UNC13A: variants seen among roughly 807,000 people sequenced by gnomAD.
UNC13A encodes protein unc-13 homolog A.
UNC13A carries 61 observed loss-of-function variants against 219.7 expected under a neutral mutation model. The ratio of observed to expected loss-of-function variants is 0.28; its 90% CI spans 0.23 to 0.34. The LOEUF (loss-of-function observed/expected upper bound fraction) is 0.34. Among genes scored for constraint, UNC13A ranks in the 10% least tolerant of loss-of-function variants. The pLI, the probability that UNC13A is intolerant of heterozygous loss-of-function variation, is 1.00. For missense variants in UNC13A, 1,476 were observed against 2,270.3 expected (o/e 0.65, Z 7.11); for synonymous variants, 920 against 884.6 (o/e 1.04, Z -0.71).
At chr19:17,680,319 G>A (rs1274537668) in intron 1 of UNC13A, among the ~76,000 whole-genome samples, 6 of 152,212 alleles carry the variant, frequency 3.9e-5, no homozygotes, top group African/African-American at 9.6e-5. Flanking sequence ...ATCAGGGTCA[G>A]CGGGGCGGAA....
Position 17,605,807 on chromosome 19 carries a change from C to T in UNC13A, c.*247G>A, listed in dbSNP as rs2076518139. 9.1e-6 allele frequency: 4 copies of T among 440,584 alleles called. No homozygotes were observed. In the East Asian group the frequency reaches 1.6e-4, roughly 17 times the overall value. The allele number at this position is 440,584 out of a possible 1,614,324, so 27.3% of individuals were successfully genotyped here. On this transcript the variant is annotated 3_prime_UTR_variant, in exon 44 of 44. Coordinates refer to ENST00000519716, the MANE Select transcript of UNC13A (RefSeq NM_001080421.3). ...TGCCCCCTAGGTGCTGGGGGCGTGG[C>T]CTCAAGTTGGGGATGTGGCTCCTTC...
At chr19:17,673,724 C>G (rs1357495800) in intron 3 of UNC13A, among the ~76,000 whole-genome samples, 2 of 147,334 alleles carry the variant, frequency 1.4e-5, no homozygotes, top group Non-Finnish European at 3.0e-5. Context: ...GAAAAAAATT[C>G]CATTGGCCAG....
Position 17,674,868 on chromosome 19 carries a change from C to T in UNC13A, c.53-112G>A. ...CCTCAGGAATTTCTGGGCCACTCAC[C>T]CCCTAACCCACAACCCCACCCTCAG... On this transcript the variant is annotated intron_variant, in intron 2 of 43. Coordinates refer to ENST00000519716, the MANE Select transcript of UNC13A (RefSeq NM_001080421.3). The surrounding 1 kb of genome is among the most constrained non-coding windows in gnomAD (Gnocchi z 5.0). The T allele has an allele frequency of 1.1e-6, 1 of 880,344 alleles. No individual in the cohort carries two copies. The highest frequency in any genetic ancestry group is 2.1e-5 in the Admixed American group (1 of 48,238). 54.5% of individuals were successfully genotyped at this position (880,344 alleles called of 1,614,324 possible).
rs755583610 is a variant in UNC13A, at chr19:17,656,287, C to G, written c.879G>C (p.Glu293Asp). ...DEHSLQGSDM[E>D]DERDRDSYHS... The stretch of plus-strand genomic sequence containing the variant: ...GGTAGGAGTCCCGGTCCCGCTCATC[C>G]TCCATGTCGGAGCCCTGCAGGCTGT... Residue 293 changes from glutamate (E) to aspartate (D), a missense_variant, in exon 10 of 44, where the codon GAG (glutamate) becomes GAC (aspartate). Glu to Asp is a conservative substitution (Grantham distance 45). This residue lies in a region of UNC13A where 351 missense variants were observed against 342.6 expected (regional missense o/e 1.02). Transcript: ENST00000519716. 4 of 1,552,794 alleles carry G rather than the reference C, an allele frequency of 2.6e-6. No homozygotes were observed. The South Asian group carries it at 4.8e-5, about 18-fold the overall frequency.
chr19:17,610,157 T>C lies in UNC13A; in HGVS notation c.4652-58A>G, dbSNP rs2076586842. On this transcript the variant is annotated intron_variant, in intron 42 of 43. Transcript: ENST00000519716. ...GGTTCTCCCAGTTGGAAAAAGTAGA[T>C]GTTTGTGGCTCTCAAAACCTGCCCA... 3.7e-6 allele frequency: 6 copies of C among 1,606,958 alleles called. No individual in the cohort carries two copies. The East Asian group carries it at 6.7e-5, about 18-fold the overall frequency.
chr19:17,670,994 C>T (rs1318121235), intron 4 of UNC13A, among the ~76,000 whole-genome samples: 2 of 151,202 alleles, frequency 1.3e-5, no homozygotes, highest in African/African-American at 4.9e-5. Context: ...AAACAGTCCC[C>T]AGTCCCTCCT....
chr19:17,603,467 C>T lies in UNC13A; in HGVS notation c.*2587G>A, dbSNP rs1176633823. 1 of 152,306 alleles carries T rather than the reference C, an allele frequency of 6.6e-6. No individual in the cohort carries two copies. The highest frequency in any genetic ancestry group is 1.9e-4 in the East Asian group (1 of 5,198). 9.4% of individuals were successfully genotyped at this position (152,306 alleles called of 1,614,324 possible). On this transcript the variant is annotated 3_prime_UTR_variant, in exon 44 of 44. Coordinates refer to ENST00000519716, the MANE Select transcript of UNC13A (RefSeq NM_001080421.3). ...CATGGTTCGAAATTCACATCTGCTC[C>T]TCAGTCCATATAACAGTCACATAAG...
At chr19:17,618,249 C>G (rs984974988) in intron 40 of UNC13A, among the ~76,000 whole-genome samples, 172 bp downstream of exon 40, 1 of 152,264 alleles carries the variant, frequency 6.6e-6, no homozygotes, top group Non-Finnish European at 1.5e-5. Context: ...CGACCTGGGG[C>G]TCCTTAAGGC....
intron 21 of UNC13A, 59 bp downstream of exon 21, chr19:17,641,334 T>A: frequency 1.3e-6 from 2 of 1,568,118 alleles, no homozygotes; most frequent in Non-Finnish European, 1.7e-6. Context: ...ACCCCAGACC[T>A]GCCAGTGCCC....
intron 38 of UNC13A, among the ~76,000 whole-genome samples, chr19:17,619,682 C>T (rs2076707584): frequency 6.6e-6 from 1 of 152,136 alleles, no homozygotes. Context: ...ATCCTCCTAC[C>T]TCAGCCTCCC....
chr19:17,623,571 G>C, intron 35 of UNC13A, 24 bp from the exon 36 acceptor site: 1 of 1,319,266 alleles, frequency 7.6e-7, no homozygotes, highest in Non-Finnish European at 1.0e-6. Context: ...TGGGGGCGGG[G>C]CGGTGGGGGA....
Position 17,627,583 on chromosome 19 carries a change from G to A in UNC13A, c.3846C>T (p.Ala1282=). The A allele has an allele frequency of 1.9e-6, 3 of 1,560,276 alleles. No individual in the cohort carries two copies. The highest frequency in any genetic ancestry group is 1.7e-6 in the Non-Finnish European group (2 of 1,151,154). Residue 1282 remains alanine (A), a synonymous_variant, in exon 33 of 44, where the codon GCC becomes GCT. Coordinates refer to ENST00000519716, the MANE Select transcript of UNC13A (RefSeq NM_001080421.3). This position sits in a 1 kb window ranked among gnomAD's most constrained non-coding sequence, Gnocchi z 4.7. ...AMGGKELDAE[A]SDILKELQVK... ...CCTGAAGCTCCTTCAGGATGTCACT[G>A]GCTTCAGCATCCAGCTAAGGAGGGA...
At chr19:17,665,203 G>GAAAA (rs11438652) in intron 7 of UNC13A, among the ~76,000 whole-genome samples, 2 of 146,206 alleles carry the variant, frequency 1.4e-5, no homozygotes, top group Non-Finnish European at 3.0e-5. Context: ...CTATCTCCAA[G>GAAAA]AAAAAAAAAA....
chr19:17,616,901 AG>A (rs371661427), intron 41 of UNC13A, among the ~76,000 whole-genome samples: 2 of 152,096 alleles, frequency 1.3e-5, no homozygotes, highest in African/African-American at 2.4e-5. Flanking sequence ...AATTTTGAAA[AG>A]GGGGGGTCCC....
Position 17,636,153 on chromosome 19 carries a change from T to C in UNC13A, c.3086A>G (p.Lys1029Arg). Residue 1029 changes from lysine (K) to arginine (R), a missense_variant, in exon 26 of 44, where the codon AAG becomes AGG. Lys to Arg is a conservative substitution (Grantham distance 26). Around this residue, in one of 14 missense-constraint regions of UNC13A, gnomAD observed 24 missense variants for 16.0 expected, o/e 1.50. Transcript: ENST00000519716. ...TTCCTCTGGGAGAACTTCCCCCTTC[T>C]TGGCCTGAAATGGACAGTGGAGACC... Reference protein sequence around the residue: ...YSREYQTDPAKKGEVLPEEQG... With the variant: ...YSREYQTDPARKGEVLPEEQG... 6.3e-7 allele frequency: 1 copy of C among 1,596,236 alleles called. No individual in the cohort carries two copies. Among genetic ancestry groups the C allele is most frequent in the South Asian group, 1.1e-5 (1 of 88,228 alleles).
In UNC13A at chr19:17,633,561, C is replaced by A. The variant is rs182197336; in HGVS notation, c.3216-368G>T. On this transcript the variant is annotated intron_variant, in intron 26 of 43. Transcript: ENST00000519716. ...ATCTATTCATCCATCCACCCATTAT[C>A]CACCCATCCAACCATCCCTTCATCA... Among the ~76,000 whole-genome samples, 412 of 151,728 alleles carry A rather than the reference C, an allele frequency of 2.7e-3. 1 individual carries two copies. Among genetic ancestry groups the A allele is most frequent in the Non-Finnish European group, 4.3e-3 (295 of 67,904 alleles).
intron 43 of UNC13A, among the ~76,000 whole-genome samples, chr19:17,608,257 AAATATAT>A (rs1249695018): frequency 7.1e-6 from 1 of 141,618 alleles, no homozygotes; most frequent in Non-Finnish European, 1.5e-5. Context: ...ATAATATATG[AAATATAT>A]AATATATATA....
chr19:17,682,278 G>A (rs1401463591), intron 1 of UNC13A, among the ~76,000 whole-genome samples: 1 of 152,070 alleles, frequency 6.6e-6, no homozygotes, highest in East Asian at 1.9e-4. Context: ...CATGTCTTTT[G>A]CTCACGATTA....
intron 39 of UNC13A, among the ~76,000 whole-genome samples, 196 bp from the exon 40 acceptor site, chr19:17,618,697 G>T (rs1599834357): frequency 6.6e-6 from 1 of 152,200 alleles, no homozygotes; most frequent in African/African-American, 2.4e-5. Flanking sequence ...TTGCCCTCTT[G>T]ATCAAGCTGT....
Sources: gnomAD v4.1 joint callset for allele counts (sites outside exome capture counted in the v4.1 genomes callset) on GRCh38, gnomAD v4.1.1 for gene constraint, gnomAD v4.1.1 regional missense constraint, Gnocchi (gnomAD v3.1) non-coding constraint, MANE v1.5 for transcripts, NCBI Gene and HGNC (gene_info 2026-07-23, HGNC 2026-07-21) for gene names.